The following PDZRN4 variants were observed in gnomAD, a reference collection of about 807,000 sequenced individuals.
The protein encoded by PDZRN4 is PDZ domain-containing RING finger protein 4.
In PDZRN4, 70 loss-of-function variants were observed where a neutral mutation model predicts 99.0. The ratio of observed to expected loss-of-function variants is 0.71; its 90% CI spans 0.58 to 0.86. The LOEUF (loss-of-function observed/expected upper bound fraction) is 0.86, where lower values mean the gene tolerates loss of function less well. Ranked by LOEUF, PDZRN4 falls within the 40% of genes least tolerant of loss-of-function variation. The pLI, the probability that PDZRN4 is intolerant of heterozygous loss-of-function variation, is 0.00. For synonymous variants in PDZRN4, 551 were observed against 501.6 expected, an observed-to-expected ratio of 1.10 and a Z score of -1.32; for missense variants, 1,474 against 1,331.2, an observed-to-expected ratio of 1.11 and a Z score of -1.67.
At chr12:41,263,635 C>G (rs762888194) in intron 3 of PDZRN4, among the ~76,000 whole-genome samples, 1 of 151,792 alleles carries the variant, frequency 6.6e-6, no homozygotes, top group Non-Finnish European at 1.5e-5. Flanking sequence ...TGCAGTGAGC[C>G]GAGATCCCAC....
At chr12:41,213,234 G>A (rs745949339) in intron 3 of PDZRN4, among the ~76,000 whole-genome samples, 14 of 151,968 alleles carry the variant, frequency 9.2e-5, no homozygotes, top group Non-Finnish European at 1.6e-4. Flanking sequence ...CTGCTGTAAC[G>A]TTGCAAGTGG....
intron 3 of PDZRN4, among the ~76,000 whole-genome samples, chr12:41,470,841 C>T (rs1034419766): frequency 2.0e-5 from 3 of 152,160 alleles, no homozygotes; most frequent in African/African-American, 7.2e-5. Context: ...CCAGGAGGTA[C>T]AGTCCCTGGC....
chr12:41,273,801 A>T (rs911515070), intron 3 of PDZRN4, among the ~76,000 whole-genome samples: 1 of 152,136 alleles, frequency 6.6e-6, no homozygotes, highest in East Asian at 1.9e-4. Flanking sequence ...TTATTATAGT[A>T]GAAAATTACC....
At chr12:41,275,558 T>C (rs1951345017) in intron 3 of PDZRN4, among the ~76,000 whole-genome samples, 1 of 152,140 alleles carries the variant, frequency 6.6e-6, no homozygotes, top group Admixed American at 6.6e-5. Flanking sequence ...AGATCCTCTC[T>C]GCTCCACATC....
intron 3 of PDZRN4, among the ~76,000 whole-genome samples, chr12:41,396,905 G>A (rs1952249847): frequency 1.3e-5 from 2 of 152,160 alleles, no homozygotes; most frequent in South Asian, 2.1e-4. Flanking sequence ...TGTGTGCACA[G>A]TGAGAATGTC....
intron 3 of PDZRN4, among the ~76,000 whole-genome samples, chr12:41,319,396 C>CTAGG: frequency 6.6e-6 from 1 of 152,194 alleles, no homozygotes; most frequent in African/African-American, 2.4e-5. Flanking sequence ...CTGTCGTGAG[C>CTAGG]TAGGTCACTG....
intron 5 of PDZRN4, among the ~76,000 whole-genome samples, chr12:41,534,696 G>T (rs1412274480): frequency 1.3e-5 from 2 of 151,722 alleles, no homozygotes; most frequent in African/African-American, 4.8e-5. Context: ...CTTTACCCTT[G>T]TTCCAAAAAG....
intron 3 of PDZRN4, among the ~76,000 whole-genome samples, chr12:41,310,974 T>A (rs2120950278): frequency 6.6e-6 from 1 of 152,320 alleles, no homozygotes; most frequent in African/African-American, 2.4e-5. Context: ...TGATCTAGAA[T>A]GTAAATTAGG....
At chr12:41,565,367 C>G (rs951004462) in intron 8 of PDZRN4, among the ~76,000 whole-genome samples, 16 of 148,638 alleles carry the variant, frequency 1.1e-4, no homozygotes, top group African/African-American at 3.7e-4. Flanking sequence ...CCAGAGAAAT[C>G]AGGAAAAGAA....
intron 4 of PDZRN4, among the ~76,000 whole-genome samples, chr12:41,508,785 CT>C (rs1430228568): frequency 6.6e-6 from 1 of 152,206 alleles, no homozygotes; most frequent in Middle Eastern, 3.4e-3. Flanking sequence ...AATATTTACG[CT>C]GACTATAGTA....
chr12:41,321,495 T>C (rs1459194416), intron 3 of PDZRN4, among the ~76,000 whole-genome samples: 4 of 152,200 alleles, frequency 2.6e-5, no homozygotes, highest in Non-Finnish European at 5.9e-5. Flanking sequence ...ATATGCAGAT[T>C]TTGTGTGCTC....
In PDZRN4 at chr12:41,517,560, A is replaced by T. The variant is rs545425980; in HGVS notation, c.1203+7647A>T. Among the ~76,000 whole-genome samples, 20 of 152,246 alleles carry T rather than the reference A, an allele frequency of 1.3e-4. No homozygotes were observed. In the East Asian group the frequency reaches 2.1e-3, roughly 16 times the overall value. ...TAATATTCTTTTCAGAGGCAATAAA[A>T]TAGAGTGGAAGGAAACAGACTAGGA... On this transcript the variant is annotated intron_variant, in intron 5 of 9. Coordinates refer to ENST00000402685, the MANE Select transcript of PDZRN4 (RefSeq NM_001164595.2).
At chr12:41,381,269 A>G (rs1273626757) in intron 3 of PDZRN4, among the ~76,000 whole-genome samples, 2 of 152,120 alleles carry the variant, frequency 1.3e-5, no homozygotes. Context: ...CTCACCCCAA[A>G]TTTGGAGAAT....
chr12:41,330,866 A>C (rs1951737539), intron 3 of PDZRN4, among the ~76,000 whole-genome samples: 1 of 152,116 alleles, frequency 6.6e-6, no homozygotes, highest in South Asian at 2.1e-4. Flanking sequence ...ATAATCTTTC[A>C]AGAAATCACC....
chr12:41,557,238 C>T (rs1939184905), intron 7 of PDZRN4, among the ~76,000 whole-genome samples: 1 of 150,784 alleles, frequency 6.6e-6, no homozygotes, highest in Non-Finnish European at 1.5e-5. Context: ...CAAGATAAGA[C>T]CAGAGGTGCT....
At chr12:41,368,118 A>C (rs1952015323) in intron 3 of PDZRN4, among the ~76,000 whole-genome samples, 1 of 151,988 alleles carries the variant, frequency 6.6e-6, no homozygotes, top group African/African-American at 2.4e-5. Flanking sequence ...TTTAAAATCA[A>C]AGTAGAGAAA....
intron 3 of PDZRN4, among the ~76,000 whole-genome samples, chr12:41,293,633 G>C (rs756346714): frequency 7.2e-5 from 11 of 152,134 alleles, no homozygotes; most frequent in African/African-American, 2.7e-4. Context: ...ACTCCAAGTA[G>C]AGGCAGAAAT....
chr12:41,193,377 T>C (rs1950749098), intron 2 of PDZRN4, among the ~76,000 whole-genome samples: 1 of 152,352 alleles, frequency 6.6e-6, no homozygotes, highest in South Asian at 2.1e-4. Context: ...TATAGGATGT[T>C]GGATATTTTC....
chr12:41,207,427 A>G (rs1002768145), intron 3 of PDZRN4, among the ~76,000 whole-genome samples: 5 of 151,830 alleles, frequency 3.3e-5, no homozygotes, highest in African/African-American at 1.2e-4. Context: ...TAAAAATGTT[A>G]TATTTCATAC....
Sources: gnomAD v4.1 joint callset for allele counts (sites outside exome capture counted in the v4.1 genomes callset) on GRCh38, gnomAD v4.1.1 for gene constraint, MANE v1.5 for transcripts, NCBI Gene and HGNC (gene_info 2026-07-23, HGNC 2026-07-21) for gene names.